Variants in TMEM132B observed in about 807,000 individuals in gnomAD.
The protein encoded by TMEM132B is transmembrane protein 132B.
TMEM132B carries 18 observed loss-of-function variants against 90.8 expected under a neutral mutation model. That is an observed-to-expected ratio of 0.20 (90% CI 0.14 to 0.29). TMEM132B has a LOEUF of 0.29. TMEM132B is among the 10% of genes least tolerant of loss of function. The pLI is 1.00. For synonymous variants in TMEM132B, 504 were observed against 523.3 expected, an observed-to-expected ratio of 0.96 and a Z score of 0.50; for missense variants, 1,096 against 1,326.8, an observed-to-expected ratio of 0.83 and a Z score of 2.70.
chr12:125,250,493 TC>T (rs1328185850), intron 1 of TMEM132B, among the ~76,000 whole-genome samples: 1 of 152,168 alleles, frequency 6.6e-6, no homozygotes, highest in Non-Finnish European at 1.5e-5. Context: ...CCCCTTCCCC[TC>T]TTGCTCACAC....
At chr12:125,201,654 G>A (rs751149544) in intron 1 of TMEM132B, among the ~76,000 whole-genome samples, 50 of 152,240 alleles carry the variant, frequency 3.3e-4, no homozygotes, top group Admixed American at 2.9e-3. Flanking sequence ...CTGTGACCCT[G>A]GGTGAATTAC....
chr12:125,486,742 T>A (rs1043315420), intron 3 of TMEM132B, among the ~76,000 whole-genome samples: 3 of 152,208 alleles, frequency 2.0e-5, no homozygotes, highest in Non-Finnish European at 1.5e-5. Flanking sequence ...TTTCCCAGTG[T>A]CAGGAGACAA....
At chr12:125,243,155 T>G (rs1369894841) in intron 1 of TMEM132B, among the ~76,000 whole-genome samples, 5 of 149,572 alleles carry the variant, frequency 3.3e-5, no homozygotes, top group African/African-American at 1.2e-4. Flanking sequence ...ATATATAATT[T>G]TTTTTTTTAT....
intron 3 of TMEM132B, among the ~76,000 whole-genome samples, chr12:125,418,286 AAAAGT>A (rs1367711495): frequency 6.6e-6 from 1 of 152,210 alleles, no homozygotes. Context: ...TACAGGGGAA[AAAAGT>A]AAAGTAGTTA....
intron 1 of TMEM132B, among the ~76,000 whole-genome samples, chr12:125,333,116 C>G (rs991988200): frequency 6.6e-6 from 1 of 152,158 alleles, no homozygotes; most frequent in African/African-American, 2.4e-5. Flanking sequence ...GGTTTTCCAG[C>G]TTTTGGTGTT....
intron 3 of TMEM132B, among the ~76,000 whole-genome samples, chr12:125,466,083 G>A (rs934674441): frequency 6.6e-6 from 1 of 152,170 alleles, no homozygotes; most frequent in Non-Finnish European, 1.5e-5. Flanking sequence ...AGACGCCAGG[G>A]TTCAGAAGAG....
rs1274591822 is a variant in TMEM132B at position 125,498,474 on chromosome 12, G to A, written c.1107-20965G>A. 6.6e-6 allele frequency among the ~76,000 whole-genome samples: 1 copy of A among 152,220 alleles called. No individual in the cohort carries two copies. Among genetic ancestry groups the A allele is most frequent in the East Asian group, 1.9e-4 (1 of 5,190 alleles). ...CTGGAGACATCTAACCATGTTGTTAGCATGTTTCAGAGACAATATCTGACT... is the reference window on the plus strand; with the variant it reads ...CTGGAGACATCTAACCATGTTGTTAACATGTTTCAGAGACAATATCTGACT... On this transcript the variant is annotated intron_variant, in intron 3 of 8. Transcript: ENST00000682704. The surrounding 1 kb of genome is among the most constrained non-coding windows in gnomAD (Gnocchi z 4.5).
chr12:125,437,919 GTTGAC>G (rs1566036628), intron 3 of TMEM132B, among the ~76,000 whole-genome samples: 3 of 152,244 alleles, frequency 2.0e-5, no homozygotes, highest in African/African-American at 7.2e-5. Context: ...ACTTAATGCC[GTTGAC>G]TTGCTTGCTT....
chr12:125,515,676 C>G (rs986221193), intron 3 of TMEM132B, among the ~76,000 whole-genome samples: 2 of 151,258 alleles, frequency 1.3e-5, no homozygotes, highest in Non-Finnish European at 3.0e-5. Flanking sequence ...CTTTCTCACA[C>G]TCACACACAT....
chr12:125,281,996 C>G (rs1443213848), intron 1 of TMEM132B, among the ~76,000 whole-genome samples: 6 of 133,682 alleles, frequency 4.5e-5, no homozygotes, highest in Non-Finnish European at 6.1e-5. Context: ...CCATTGCACT[C>G]CAGCCTGGCC....
intron 2 of TMEM132B, among the ~76,000 whole-genome samples, chr12:125,394,834 C>T (rs1879125942): frequency 6.6e-6 from 1 of 152,062 alleles, no homozygotes; most frequent in Admixed American, 6.5e-5. Context: ...GTGGGAGCTA[C>T]AGTGGGTCAC....
intron 1 of TMEM132B, among the ~76,000 whole-genome samples, chr12:125,193,865 A>G (rs576752544): frequency 3.9e-5 from 6 of 152,336 alleles, no homozygotes; most frequent in Admixed American, 2.6e-4. Flanking sequence ...CTGAACTTCA[A>G]TGTCAAGTGC....
At chr12:125,565,991 ATGT>A (rs1884649589) in intron 4 of TMEM132B, among the ~76,000 whole-genome samples, 1 of 152,212 alleles carries the variant, frequency 6.6e-6, no homozygotes, top group Admixed American at 6.5e-5. Flanking sequence ...CCATTGCACC[ATGT>A]TGTTGGCTCT....
chr12:125,574,090 T>C (rs1424829219), intron 4 of TMEM132B, among the ~76,000 whole-genome samples: 2 of 152,130 alleles, frequency 1.3e-5, no homozygotes, highest in African/African-American at 2.4e-5. Context: ...TTGATGAATA[T>C]CCTTCATGAA....
rs561569690 is a variant in TMEM132B at position 125,407,692 on chromosome 12, A to T, written c.960-7839A>T. The stretch of plus-strand genomic sequence containing the variant: ...CACAGACAAGGCCAAAGCTCAGGTC[A>T]CTCTTGTCGCTCAGAACCAAAGGGA... On this transcript the variant is annotated intron_variant, in intron 2 of 8. Coordinates refer to ENST00000682704, the MANE Select transcript of TMEM132B (RefSeq NM_001366854.1). The surrounding 1 kb of genome is among the most constrained non-coding windows in gnomAD (Gnocchi z 6.7). Among the ~76,000 whole-genome samples, 1 of 152,142 alleles carries T rather than the reference A, an allele frequency of 6.6e-6. No individual in the cohort carries two copies. Among genetic ancestry groups the T allele is most frequent in the East Asian group, 1.9e-4 (1 of 5,168 alleles).
chr12:125,313,460 TTCTC>T (rs1876168001), intron 1 of TMEM132B, among the ~76,000 whole-genome samples: 4 of 150,966 alleles, frequency 2.6e-5, no homozygotes, highest in South Asian at 4.3e-4. Context: ...CCTCCCTTCT[TTCTC>T]TCTTCCTTTT....
chr12:125,271,125 T>C (rs894656978), intron 1 of TMEM132B, among the ~76,000 whole-genome samples: 35 of 152,098 alleles, frequency 2.3e-4, no homozygotes, highest in African/African-American at 7.5e-4. Flanking sequence ...ACCCTGCTAA[T>C]TTTTAATTTT....
chr12:125,359,936 G>A (rs910875617), intron 2 of TMEM132B, among the ~76,000 whole-genome samples: 5 of 152,144 alleles, frequency 3.3e-5, no homozygotes, highest in South Asian at 2.1e-4. Flanking sequence ...AAATTAGCTG[G>A]GCGTGGTGGC....
chr12:125,607,985 A>G (rs1885737486), intron 5 of TMEM132B, among the ~76,000 whole-genome samples: 1 of 152,182 alleles, frequency 6.6e-6, no homozygotes, highest in Non-Finnish European at 1.5e-5. Flanking sequence ...TTACTCATCC[A>G]TCAATAGGTG....
Sources: allele counts gnomAD v4.1 joint callset (sites outside exome capture counted in the v4.1 genomes callset), GRCh38; gene constraint gnomAD v4.1.1; non-coding constraint Gnocchi (gnomAD v3.1); transcripts MANE v1.5; gene names NCBI Gene and HGNC (gene_info 2026-07-23, HGNC 2026-07-21).